ZNF536: variants seen among roughly 807,000 people sequenced by gnomAD.
The protein encoded by ZNF536 is zinc finger protein 536.
Under a neutral mutation model 84.5 loss-of-function variants are expected in ZNF536, and 13 were observed. That is an observed-to-expected ratio of 0.15 (90% CI 0.10 to 0.24). ZNF536 has a LOEUF of 0.24. ZNF536 is among the 10% of genes least tolerant of loss of function. The pLI is 1.00. For missense variants in ZNF536, 1,536 were observed against 1,747.5 expected (o/e 0.88, Z 2.16); for synonymous variants, 811 against 742.5 (o/e 1.09, Z -1.50).
intron 2 of ZNF536, among the ~76,000 whole-genome samples, chr19:30,342,820 G>T (rs561626756): frequency 1.3e-5 from 2 of 152,318 alleles, no homozygotes; most frequent in Admixed American, 6.5e-5. Flanking sequence ...CAATAAAGTT[G>T]CCAAGCACAG....
At chr19:30,668,288 G>A (rs1208553674) in intron 1 of ZNF536, among the ~76,000 whole-genome samples, 2 of 152,088 alleles carry the variant, frequency 1.3e-5, no homozygotes, top group East Asian at 1.9e-4. Context: ...TTGAGGGGAG[G>A]GGGTGTGATT....
At chr19:30,252,564 A>G (rs975061639) in intron 1 of ZNF536, among the ~76,000 whole-genome samples, 1 of 149,658 alleles carries the variant, frequency 6.7e-6, no homozygotes, top group Non-Finnish European at 1.5e-5. Flanking sequence ...CCTGTATGCC[A>G]TAGCCCGAGA....
At chr19:30,376,614 A>C (rs1452496367) in intron 1 of ZNF536, among the ~76,000 whole-genome samples, 1 of 152,126 alleles carries the variant, frequency 6.6e-6, no homozygotes, top group Non-Finnish European at 1.5e-5. Context: ...CTGTGGTGGG[A>C]GTGAGCTGTG....
intron 1 of ZNF536, among the ~76,000 whole-genome samples, chr19:30,242,858 G>T (rs1188671531): frequency 6.6e-6 from 1 of 151,954 alleles, no homozygotes; most frequent in Non-Finnish European, 1.5e-5. Flanking sequence ...ATGTTTTTTG[G>T]TGGAAAATGA....
intron 1 of ZNF536, among the ~76,000 whole-genome samples, chr19:30,626,445 A>G (rs1482421176): frequency 4.6e-5 from 7 of 151,726 alleles, no homozygotes; most frequent in Admixed American, 3.9e-4. Flanking sequence ...ATTGATTTTC[A>G]TGGGGATACA....
At chr19:30,342,141 A>T (rs1185580357) in intron 2 of ZNF536, among the ~76,000 whole-genome samples, 1 of 152,152 alleles carries the variant, frequency 6.6e-6, no homozygotes, top group Non-Finnish European at 1.5e-5. Flanking sequence ...CCTGCAATTG[A>T]TCTACTGGTG....
chr19:30,582,237 G>A (rs989156294), intron 1 of ZNF536, among the ~76,000 whole-genome samples: 7 of 152,150 alleles, frequency 4.6e-5, no homozygotes, highest in East Asian at 1.9e-4. Flanking sequence ...GGAGGAGGCC[G>A]AAGCTCTATA....
intron 2 of ZNF536, among the ~76,000 whole-genome samples, chr19:30,483,422 A>T (rs1184798933): frequency 2.0e-5 from 3 of 152,028 alleles, no homozygotes; most frequent in Non-Finnish European, 2.9e-5. Context: ...CCAAATGCCG[A>T]GTCTTCCGAA....
intron 2 of ZNF536, among the ~76,000 whole-genome samples, chr19:30,511,842 G>A (rs1051632368): frequency 1.7e-4 from 26 of 152,130 alleles, no homozygotes; most frequent in African/African-American, 6.3e-4. Context: ...GTCTAGTTGA[G>A]ACAATCACGA....
intron 1 of ZNF536, among the ~76,000 whole-genome samples, chr19:30,594,087 C>G (rs2047365083): frequency 6.6e-6 from 1 of 152,186 alleles, no homozygotes; most frequent in Non-Finnish European, 1.5e-5. Flanking sequence ...ATATCAAACA[C>G]CAAAGTTCAA....
intron 2 of ZNF536, among the ~76,000 whole-genome samples, chr19:30,465,534 C>T (rs1472108020): frequency 6.6e-6 from 1 of 152,174 alleles, no homozygotes; most frequent in African/African-American, 2.4e-5. Context: ...ATCGCCAGCA[C>T]CCACGGCAGT....
chr19:30,466,165 G>A (rs2053380988), intron 2 of ZNF536, among the ~76,000 whole-genome samples: 1 of 151,878 alleles, frequency 6.6e-6, no homozygotes, highest in Non-Finnish European at 1.5e-5. Flanking sequence ...AGAGACTGCA[G>A]TGAGCAATGA....
intron 3 of ZNF536, among the ~76,000 whole-genome samples, chr19:30,358,933 G>C (rs1185456583): frequency 6.6e-6 from 1 of 152,152 alleles, no homozygotes; most frequent in Non-Finnish European, 1.5e-5. Flanking sequence ...CTTCACTCTT[G>C]GGGAGCTGTC....
intron 1 of ZNF536, among the ~76,000 whole-genome samples, chr19:30,408,861 CCATCGATCTTCTATCCATCCTT>C (rs1239431913): frequency 3.0e-5 from 2 of 67,694 alleles, no homozygotes; most frequent in Non-Finnish European, 6.4e-5. Context: ...CATCCTCCAT[CCATCGATCTTCTATCCATCCTT>C]CATCTATCAT....
chr19:30,695,371 G>A (rs1254059012), intron 1 of ZNF536, among the ~76,000 whole-genome samples: 2 of 152,204 alleles, frequency 1.3e-5, no homozygotes, highest in East Asian at 1.9e-4. Flanking sequence ...TGCAGAGCCC[G>A]CCAGAGGGCA....
chr19:30,382,109 T>C (rs540427519), intron 1 of ZNF536, among the ~76,000 whole-genome samples: 1 of 152,296 alleles, frequency 6.6e-6, no homozygotes, highest in South Asian at 2.1e-4. Flanking sequence ...TCACTTCTTT[T>C]CCACGGATTG....
intron 1 of ZNF536, among the ~76,000 whole-genome samples, chr19:30,651,547 C>T (rs1460486865): frequency 2.0e-5 from 3 of 152,318 alleles, no homozygotes; most frequent in East Asian, 1.9e-4. Context: ...TCATGCTTAA[C>T]CGTGGTTCAC....
intron 1 of ZNF536, among the ~76,000 whole-genome samples, chr19:30,434,066 C>T (rs1241423551): frequency 1.3e-5 from 2 of 152,154 alleles, no homozygotes; most frequent in East Asian, 3.9e-4. Context: ...TGGCAGGGGA[C>T]CAAGGTCACA....
chr19:30,398,978 T>A (rs187902035), intron 1 of ZNF536, among the ~76,000 whole-genome samples: 69 of 152,342 alleles, frequency 4.5e-4, no homozygotes, highest in African/African-American at 1.5e-3. Context: ...TCTAGATCCT[T>A]GAGGAATCGC....
Sources: gnomAD v4.1 joint callset for allele counts (sites outside exome capture counted in the v4.1 genomes callset) on GRCh38, gnomAD v4.1.1 for gene constraint, MANE v1.5 for transcripts, NCBI Gene and HGNC (gene_info 2026-07-23, HGNC 2026-07-21) for gene names.